The following POLR1B variants were observed in gnomAD, a reference collection of about 807,000 sequenced individuals.
The protein encoded by POLR1B is RNA polymerase I subunit B, also known as DNA-directed RNA polymerase I subunit RPA2.
In POLR1B, 30 loss-of-function variants were observed where a neutral mutation model predicts 105.8. The observed-to-expected ratio is 0.28, with a 90% confidence interval of 0.21 to 0.38. The LOEUF (loss-of-function observed/expected upper bound fraction) is 0.38. POLR1B is among the 10% of genes least tolerant of loss of function. The pLI is 1.00. For missense variants in POLR1B, 976 were observed against 1,435.8 expected (o/e 0.68, Z 5.17); for synonymous variants, 485 against 505.1 (o/e 0.96, Z 0.53).
At chr2:112,574,822 C>G in intron 14 of POLR1B, 25 bp from the exon 15 acceptor site, 1 of 1,576,898 alleles carries the variant, frequency 6.3e-7, no homozygotes, top group Non-Finnish European at 8.7e-7. Context: ...AATAGGTTGA[C>G]CTTATATGGT....
chr2:112,575,978 G>A lies in POLR1B; in HGVS notation c.*249G>A, dbSNP rs1684841563. On this transcript the variant is annotated 3_prime_UTR_variant, in exon 15 of 15. Transcript: ENST00000263331. This position sits in a 1 kb window ranked among gnomAD's most constrained non-coding sequence, Gnocchi z 5.3. Reference sequence around the variant, plus strand: ...TCAAAATATGAAATATTGATAAATGGAAGAGCATACGGTGACAAGTCTCCT... The same window carrying A: ...TCAAAATATGAAATATTGATAAATGAAAGAGCATACGGTGACAAGTCTCCT... 1 of 478,148 alleles carries A rather than the reference G, an allele frequency of 2.1e-6. No individual in the cohort carries two copies. The highest frequency in any genetic ancestry group is 3.8e-6 in the Non-Finnish European group (1 of 266,510). The allele number at this position is 478,148 out of a possible 1,614,324, so 29.6% of individuals were successfully genotyped here. A position where few individuals can be genotyped will look rare whatever the true frequency, so the allele number is the denominator to read the frequency against.
At chr2:112,563,107 T>C (rs1034192640) in intron 9 of POLR1B, among the ~76,000 whole-genome samples, 1 of 149,830 alleles carries the variant, frequency 6.7e-6, no homozygotes, top group African/African-American at 2.5e-5. Flanking sequence ...CAGGCTGGAG[T>C]GCAGTGGCGT....
At chr2:112,551,727 GTATTT>G in intron 5 of POLR1B, 43 bp from the exon 6 acceptor site, 1 of 1,431,630 alleles carries the variant, frequency 7.0e-7, no homozygotes, top group Non-Finnish European at 9.6e-7. Flanking sequence ...AATAGATAAA[GTATTT>G]TAGTTATTAG....
chr2:112,542,814 A>T (rs1482835255), intron 1 of POLR1B, 143 bp downstream of exon 1: 1 of 1,077,426 alleles, frequency 9.3e-7, no homozygotes, highest in Non-Finnish European at 1.3e-6. Context: ...CAACATGTTA[A>T]ACAGGACGCG....
rs1312867090 is a variant in POLR1B at position 112,574,930 on chromosome 2, C to T, written c.2609C>T (p.Thr870Ile). The T allele has an allele frequency of 1.9e-6, 3 of 1,614,108 alleles. No individual in the cohort carries two copies. The highest frequency in any genetic ancestry group is 2.5e-6 in the Non-Finnish European group (3 of 1,180,028). ...GGAAAATTCAAGTGTGTTTGCATCACTATGAGAGTGCCTCGGAACCCAACT... is the reference window on the plus strand; with the variant it reads ...GGAAAATTCAAGTGTGTTTGCATCATTATGAGAGTGCCTCGGAACCCAACT... Reference protein sequence around the residue: ...GSGKFKCVCITMRVPRNPTIG... With the variant: ...GSGKFKCVCIIMRVPRNPTIG... Residue 870 changes from threonine to isoleucine, a missense_variant, in exon 15 of 15, where the codon ACT becomes ATT. Thr to Ile is a moderately conservative substitution (Grantham distance 89). Coordinates refer to ENST00000263331, the MANE Select transcript of POLR1B (RefSeq NM_019014.6).
intron 5 of POLR1B, 149 bp from the exon 6 acceptor site, chr2:112,551,626 C>T (rs571608806): frequency 1.5e-6 from 1 of 672,776 alleles, no homozygotes. Context: ...ACAAAGAATG[C>T]TTTATTTTAG....
At chr2:112,557,858 A>G in intron 7 of POLR1B, 52 bp from the exon 8 acceptor site, 1 of 1,063,440 alleles carries the variant, frequency 9.4e-7, no homozygotes, top group Non-Finnish European at 1.2e-6. Context: ...GATGTGAGCC[A>G]CCACACCTGG....
At chr2:112,562,633 C>G (rs1218086771) in intron 9 of POLR1B, among the ~76,000 whole-genome samples, 2 of 151,796 alleles carry the variant, frequency 1.3e-5, no homozygotes, top group Non-Finnish European at 2.9e-5. Flanking sequence ...AATCTTTTTG[C>G]TGGTGGAAGG....
chr2:112,552,971 A>C (rs1683452133), intron 7 of POLR1B, among the ~76,000 whole-genome samples, 155 bp downstream of exon 7: 1 of 152,260 alleles, frequency 6.6e-6, no homozygotes, highest in Non-Finnish European at 1.5e-5. Flanking sequence ...TAAGGGGATC[A>C]GAAATCCTGG....
At chr2:112,565,960 CAG>C (rs916993242) in intron 10 of POLR1B, among the ~76,000 whole-genome samples, 10 of 151,994 alleles carry the variant, frequency 6.6e-5, no homozygotes, top group Middle Eastern at 3.2e-3. Context: ...TTTTTTGAGT[CAG>C]AGTCTTGTGC....
At chr2:112,573,911 A>G (rs1684725386) in intron 14 of POLR1B, 96 bp downstream of exon 14, 1 of 1,425,862 alleles carries the variant, frequency 7.0e-7, no homozygotes, top group African/African-American at 1.4e-5. Flanking sequence ...CAGTGGAGTG[A>G]TCTCAGCTCA....
intron 6 of POLR1B, 138 bp downstream of exon 6, chr2:112,552,136 G>T (rs942829404): frequency 5.0e-6 from 3 of 600,116 alleles, no homozygotes; most frequent in African/African-American, 1.9e-5. Flanking sequence ...CTTGCTAGCC[G>T]GGGGCTACCT....
chr2:112,556,028 GA>G (rs958146150), intron 7 of POLR1B, among the ~76,000 whole-genome samples: 21 of 151,834 alleles, frequency 1.4e-4, no homozygotes, highest in African/African-American at 1.9e-4. Flanking sequence ...ACATAGTTAT[GA>G]AAAAAAAGGG....
intron 10 of POLR1B, among the ~76,000 whole-genome samples, 185 bp from the exon 11 acceptor site, chr2:112,567,782 A>G (rs1468197292): frequency 6.6e-6 from 1 of 152,158 alleles, no homozygotes; most frequent in Non-Finnish European, 1.5e-5. Flanking sequence ...ACGTGCATTC[A>G]TGGTGTGCTT....
Position 112,571,081 on chromosome 2 carries a change from G to A in POLR1B, c.2075-1481G>A, listed in dbSNP as rs372784329. 3.9e-5 allele frequency among the ~76,000 whole-genome samples: 6 copies of A among 152,144 alleles called. No homozygotes were observed. The South Asian group carries it at 1.2e-3, about 31-fold the overall frequency. ...AGGCATGAGCCATTGCGCCTGGCCT[G>A]ACTTGTTTCTTTTTTTATAGTTTCT... On this transcript the variant is annotated intron_variant, in intron 12 of 14. Coordinates refer to ENST00000263331, the MANE Select transcript of POLR1B (RefSeq NM_019014.6).
chr2:112,552,904 T>C, intron 7 of POLR1B, 88 bp downstream of exon 7: 1 of 1,225,728 alleles, frequency 8.2e-7, no homozygotes, highest in Non-Finnish European at 1.1e-6. Context: ...TCTGCATGTT[T>C]ATAGTTTCTA....
chr2:112,572,655 G>T lies in POLR1B; in HGVS notation c.2168G>T (p.Arg723Ile). The T allele has an allele frequency of 6.2e-7, 1 of 1,613,526 alleles. No homozygotes were observed. The highest frequency in any genetic ancestry group is 8.5e-7 in the Non-Finnish European group (1 of 1,179,690). Residue 723 changes from arginine (R) to isoleucine (I), a missense_variant, in exon 13 of 15, where the codon AGA (arginine) becomes ATA (isoleucine). Arg to Ile is a moderately conservative substitution (Grantham distance 97). Around this residue, in one of 12 missense-constraint regions of POLR1B, gnomAD observed 46 missense variants for 66.8 expected, o/e 0.69. Transcript: ENST00000263331. Reference protein sequence around the residue: ...RLQTPQSPLVRPSMYDYYDMD... With the variant: ...RLQTPQSPLVIPSMYDYYDMD... Reference sequence around the variant, plus strand: ...CAGACTCCTCAGAGTCCCTTGGTGAGACCCTCCATGTATGATTATTATGAC... The same window carrying T: ...CAGACTCCTCAGAGTCCCTTGGTGATACCCTCCATGTATGATTATTATGAC...
At chr2:112,547,394 G>A (rs774174114) in intron 2 of POLR1B, 27 bp from the exon 3 acceptor site, 2 of 1,604,274 alleles carry the variant, frequency 1.2e-6, no homozygotes, top group Non-Finnish European at 1.7e-6. Flanking sequence ...TTTCTGTTAA[G>A]TAACTTTTTC....
intron 7 of POLR1B, among the ~76,000 whole-genome samples, chr2:112,556,271 C>A (rs367567988): frequency 1.3e-5 from 2 of 152,280 alleles, no homozygotes; most frequent in African/African-American, 4.8e-5. Context: ...TACATTAATA[C>A]CCTTGTTGGG....
Sources: gnomAD v4.1 joint callset for allele counts (sites outside exome capture counted in the v4.1 genomes callset) on GRCh38, gnomAD v4.1.1 for gene constraint, gnomAD v4.1.1 regional missense constraint, Gnocchi (gnomAD v3.1) non-coding constraint, MANE v1.5 for transcripts, NCBI Gene and HGNC (gene_info 2026-07-23, HGNC 2026-07-21) for gene names.